ADAM12: variants seen among roughly 807,000 people sequenced by gnomAD.
ADAM12 encodes the protein ADAM metallopeptidase domain 12, also known as disintegrin and metalloproteinase domain-containing protein 12.
ADAM12 carries 70 observed loss-of-function variants against 106.4 expected under a neutral mutation model. The observed-to-expected ratio is 0.66, with a 90% CI of 0.54 to 0.80. The LOEUF (loss-of-function observed/expected upper bound fraction) is 0.80. Ranked by LOEUF, ADAM12 falls within the 30% of genes least tolerant of loss-of-function variation. The pLI, the probability that ADAM12 is intolerant of heterozygous loss-of-function variation, is 0.00. For missense variants in ADAM12, 1,010 were observed against 1,171.9 expected (o/e 0.86, Z 2.02); for synonymous variants, 420 against 433.5 (o/e 0.97, Z 0.39).
At chr10:126,190,636 G>A (rs1243576183) in intron 3 of ADAM12, among the ~76,000 whole-genome samples, 1 of 152,202 alleles carries the variant, frequency 6.6e-6, no homozygotes, top group East Asian at 1.9e-4. Flanking sequence ...AACGTGAAGA[G>A]TGTACATTAC....
chr10:126,141,921 A>C (rs997919349), intron 4 of ADAM12, among the ~76,000 whole-genome samples: 1 of 152,228 alleles, frequency 6.6e-6, no homozygotes, highest in Non-Finnish European at 1.5e-5. Flanking sequence ...GCCAGAAGGA[A>C]GCTTTGGGCC....
At chr10:126,185,233 C>T (rs930902178) in intron 3 of ADAM12, among the ~76,000 whole-genome samples, 1 of 152,180 alleles carries the variant, frequency 6.6e-6, no homozygotes, top group African/African-American at 2.4e-5. Flanking sequence ...AAAGACGTTG[C>T]TATTGCATTG....
At chr10:126,237,087 G>A (rs867127996) in intron 3 of ADAM12, among the ~76,000 whole-genome samples, 2 of 152,066 alleles carry the variant, frequency 1.3e-5, no homozygotes, top group Non-Finnish European at 2.9e-5. Flanking sequence ...CCCCAGATGC[G>A]TCTACGTTAA....
At chr10:126,255,701 C>T (rs1310268295) in intron 3 of ADAM12, among the ~76,000 whole-genome samples, 2 of 152,196 alleles carry the variant, frequency 1.3e-5, no homozygotes, top group Non-Finnish European at 2.9e-5. Flanking sequence ...TTTGAATCCC[C>T]AACAAAGCAC....
intron 4 of ADAM12, among the ~76,000 whole-genome samples, chr10:126,150,598 T>C (rs1023673175): frequency 2.0e-5 from 3 of 152,152 alleles, no homozygotes; most frequent in African/African-American, 7.2e-5. Context: ...CCTGTCTCCT[T>C]TGACTTCCCA....
intron 11 of ADAM12, among the ~76,000 whole-genome samples, chr10:126,080,570 T>A (rs983776776): frequency 1.3e-5 from 2 of 152,138 alleles, no homozygotes; most frequent in African/African-American, 4.8e-5. Flanking sequence ...AGAGAATTTA[T>A]CTCCAAAGCC....
At chr10:126,368,553 T>C (rs995731143) in intron 1 of ADAM12, among the ~76,000 whole-genome samples, 1 of 152,082 alleles carries the variant, frequency 6.6e-6, no homozygotes, top group Non-Finnish European at 1.5e-5. Flanking sequence ...AAACTATCCA[T>C]TGTGGATGTA....
At chr10:126,377,907 A>C (rs1196719581) in intron 1 of ADAM12, among the ~76,000 whole-genome samples, 2 of 152,246 alleles carry the variant, frequency 1.3e-5, no homozygotes, top group Non-Finnish European at 2.9e-5. Flanking sequence ...AAAAGCGAAA[A>C]GCAAAAATTT....
At chr10:126,272,005 A>C (rs1959179645) in intron 3 of ADAM12, among the ~76,000 whole-genome samples, 1 of 152,090 alleles carries the variant, frequency 6.6e-6, no homozygotes, top group Admixed American at 6.5e-5. Context: ...GCCCTCCTTG[A>C]CTGGGCTCTT....
intron 4 of ADAM12, among the ~76,000 whole-genome samples, chr10:126,149,995 G>A (rs1316592413): frequency 6.6e-6 from 1 of 152,138 alleles, no homozygotes; most frequent in Non-Finnish European, 1.5e-5. Flanking sequence ...TAATACAGAT[G>A]CCTAAGAAAA....
At chr10:126,330,047 A>T (rs1004939197) in intron 2 of ADAM12, among the ~76,000 whole-genome samples, 2 of 152,244 alleles carry the variant, frequency 1.3e-5, no homozygotes, top group Non-Finnish European at 2.9e-5. Flanking sequence ...AGTTGCATAA[A>T]TATATTTCTA....
At chr10:126,206,359 G>T (rs949821678) in intron 3 of ADAM12, among the ~76,000 whole-genome samples, 1 of 152,142 alleles carries the variant, frequency 6.6e-6, no homozygotes, top group African/African-American at 2.4e-5. Flanking sequence ...ATACTCAGGT[G>T]GGACACTATC....
intron 11 of ADAM12, among the ~76,000 whole-genome samples, chr10:126,078,502 G>C (rs1955147090): frequency 6.6e-6 from 1 of 152,152 alleles, no homozygotes; most frequent in African/African-American, 2.4e-5. Flanking sequence ...AATGGAGTCT[G>C]AGTGGAACTG....
chr10:126,036,066 A>G (rs1954054010), intron 21 of ADAM12, 80 bp downstream of exon 21: 2 of 1,257,274 alleles, frequency 1.6e-6, no homozygotes, highest in South Asian at 2.8e-5. Context: ...AAGTTAAGCA[A>G]CTTATCTAAG....
rs57227903 is a variant in ADAM12 at position 126,243,489 on chromosome 10, A to ATGTGTGTGTGTGTGTGTGTGTG, written c.260+35404_260+35425dup. Among the ~76,000 whole-genome samples the ATGTGTGTGTGTGTGTGTGTGTG allele has an allele frequency of 2.7e-3, 399 of 146,936 alleles. 2 individuals are homozygous for ATGTGTGTGTGTGTGTGTGTGTG. Among genetic ancestry groups the ATGTGTGTGTGTGTGTGTGTGTG allele is most frequent in the Non-Finnish European group, 4.2e-3 (282 of 66,622 alleles). On this transcript the variant is annotated intron_variant, in intron 3 of 22. Coordinates refer to ENST00000448723, the MANE Select transcript of ADAM12 (RefSeq NM_001288973.2). The stretch of plus-strand genomic sequence containing the variant: ...GGAGCAACTCTGTGTGTGTGAGTGT[A>ATGTGTGTGTGTGTGTGTGTGTG]TGTGTGTGTGTGTGTGTGTGTGTGT...
chr10:126,223,448 C>A (rs932711649), intron 3 of ADAM12, among the ~76,000 whole-genome samples: 11 of 152,170 alleles, frequency 7.2e-5, no homozygotes, highest in Non-Finnish European at 1.6e-4. Flanking sequence ...ATAACACACA[C>A]AATAAAATGA....
intron 1 of ADAM12, among the ~76,000 whole-genome samples, chr10:126,358,046 CG>C (rs1855603466): frequency 6.6e-6 from 1 of 151,908 alleles, no homozygotes; most frequent in South Asian, 2.1e-4. Context: ...GGCGAGGTGG[CG>C]GGTGCCTGTA....
intron 11 of ADAM12, among the ~76,000 whole-genome samples, chr10:126,077,049 G>T (rs1054536190): frequency 2.0e-5 from 3 of 152,166 alleles, no homozygotes; most frequent in African/African-American, 7.2e-5. Context: ...AATGAACTCA[G>T]TAAAGTTTCA....
intron 6 of ADAM12, among the ~76,000 whole-genome samples, chr10:126,110,471 G>C (rs1368740992): frequency 2.0e-5 from 3 of 151,644 alleles, no homozygotes; most frequent in African/African-American, 7.3e-5. Flanking sequence ...AGTGAGAAAG[G>C]TATGAGGAGA....
Sources: gnomAD v4.1 joint callset for allele counts (sites outside exome capture counted in the v4.1 genomes callset) on GRCh38, gnomAD v4.1.1 for gene constraint, MANE v1.5 for transcripts, NCBI Gene and HGNC (gene_info 2026-07-23, HGNC 2026-07-21) for gene names.